Variants in ZNHIT6 observed in about 807,000 individuals in gnomAD.
ZNHIT6 encodes the protein zinc finger HIT-type containing 6, also known as box C/D snoRNA protein 1.
A neutral mutation model predicts 57.2 loss-of-function variants in ZNHIT6; 45 were observed. The observed-to-expected ratio is 0.79, with a 90% CI of 0.62 to 1.01. ZNHIT6 has a LOEUF of 1.01. ZNHIT6 is among the 50% of genes least tolerant of loss of function. The pLI is 0.00. For missense variants in ZNHIT6, 528 were observed against 567.3 expected (o/e 0.93, Z 0.70); for synonymous variants, 188 against 190.0 (o/e 0.99, Z 0.09).
chr1:85,706,248 C>T lies in ZNHIT6; in HGVS notation c.829+1G>A, dbSNP rs574651904. 1 of 1,610,670 alleles carries T rather than the reference C, an allele frequency of 6.2e-7. No individual in the cohort carries two copies. The highest frequency in any genetic ancestry group is 1.1e-5 in the South Asian group (1 of 90,684). ...AATTTGCTATGCATAAAGTGGCTTA[C>T]CACTTAGGAGATTCATTTCAGTAAA... On this transcript the variant is annotated splice_donor_variant, in intron 3 of 9. Transcript: ENST00000370574. LOFTEE classifies it high-confidence loss of function.
intron 8 of ZNHIT6, among the ~76,000 whole-genome samples, chr1:85,673,751 AAGGATGTAACTGTAATGTACTTTCCT>A (rs1661628343): frequency 2.9e-5 from 2 of 68,308 alleles, no homozygotes; most frequent in Non-Finnish European, 7.1e-5. Flanking sequence ...ACTTTCCTTT[AAGGATGTAACTGTAATGTACTTTCCT>A]TTAAGGATGT....
chr1:85,706,577 CA>C (rs1227034492), intron 1 of ZNHIT6, 70 bp from the exon 2 acceptor site: 2 of 1,334,298 alleles, frequency 1.5e-6, no homozygotes, highest in Admixed American at 2.7e-5. Context: ...TTAGAATTCC[CA>C]ATCAATTTAT....
chr1:85,669,449 A>G (rs1005326595), intron 8 of ZNHIT6, among the ~76,000 whole-genome samples: 3 of 152,230 alleles, frequency 2.0e-5, no homozygotes, highest in Non-Finnish European at 4.4e-5. Context: ...AAAATCATCC[A>G]AGAGAAATAG....
chr1:85,683,773 C>T (rs893717056), intron 5 of ZNHIT6, among the ~76,000 whole-genome samples: 1 of 152,108 alleles, frequency 6.6e-6, no homozygotes, highest in Non-Finnish European at 1.5e-5. Flanking sequence ...CCAAGAAGTA[C>T]AATCACTAAG....
At position 85,655,743 on chromosome 1, in the gene ZNHIT6, T is replaced by A. The variant is rs150246353; in HGVS notation, c.1373-1645A>T. On this transcript the variant is annotated intron_variant, in intron 9 of 9. Transcript: ENST00000370574. ...CACTGGACTGATATAAGGTAGGTAATCAGCACTTAGCATCTCCAATCTAGT... is the reference window on the plus strand; with the variant it reads ...CACTGGACTGATATAAGGTAGGTAAACAGCACTTAGCATCTCCAATCTAGT... 1.2e-3 allele frequency among the ~76,000 whole-genome samples: 182 copies of A among 152,302 alleles called. 1 individual carries two copies. The highest frequency in any genetic ancestry group is 0.012 in the East Asian group (60 of 5,182).
At position 85,675,016 on chromosome 1, in the gene ZNHIT6, C is replaced by T. The variant is rs146288819; in HGVS notation, c.1247+2220G>A. ...TGTGTACTGTAAGTCCATGAAGAGC[C>T]GAAGTGGATGGAAATCTCTTTGTCC... On this transcript the variant is annotated intron_variant, in intron 8 of 9. Transcript: ENST00000370574. 2.5e-4 allele frequency among the ~76,000 whole-genome samples: 38 copies of T among 152,170 alleles called. No homozygotes were observed. The East Asian group carries it at 6.6e-3, about 26-fold the overall frequency.
chr1:85,706,785 A>C (rs1662697332), intron 1 of ZNHIT6, among the ~76,000 whole-genome samples: 1 of 152,210 alleles, frequency 6.6e-6, no homozygotes, highest in Non-Finnish European at 1.5e-5. Context: ...GAATGAGATT[A>C]TTCACTGATA....
chr1:85,698,452 G>C (rs1427408191), intron 5 of ZNHIT6, among the ~76,000 whole-genome samples: 1 of 151,938 alleles, frequency 6.6e-6, no homozygotes, highest in East Asian at 1.9e-4. Context: ...CTTCATATAC[G>C]GGCTTTTACA....
intron 8 of ZNHIT6, among the ~76,000 whole-genome samples, chr1:85,677,017 CT>C (rs1475306847): frequency 6.6e-6 from 1 of 152,104 alleles, no homozygotes; most frequent in Non-Finnish European, 1.5e-5. Context: ...TCTATTTCCC[CT>C]ATATCAGTTG....
intron 5 of ZNHIT6, among the ~76,000 whole-genome samples, chr1:85,686,736 A>G (rs965598685): frequency 1.3e-5 from 2 of 152,164 alleles, no homozygotes; most frequent in South Asian, 2.1e-4. Context: ...CACAATTTTC[A>G]TATGAAAGCT....
At position 85,651,220 on chromosome 1, in the gene ZNHIT6, A is replaced by G. The variant is rs973242230; in HGVS notation, c.*2838T>C. 1 of 151,954 alleles carries G rather than the reference A, an allele frequency of 6.6e-6. No homozygotes were observed. Among genetic ancestry groups the G allele is most frequent in the Non-Finnish European group, 1.5e-5 (1 of 68,006 alleles). 9.4% of individuals were successfully genotyped at this position (151,954 alleles called of 1,614,324 possible). The stretch of plus-strand genomic sequence containing the variant: ...TCAACTACATTTTGGAATCTTAAAT[A>G]TCTATTTTTAATAACTTTTTTTTTT... On this transcript the variant is annotated 3_prime_UTR_variant, in exon 10 of 10. Transcript: ENST00000370574.
At chr1:85,680,621 T>G (rs1430907535) in intron 6 of ZNHIT6, among the ~76,000 whole-genome samples, 1 of 152,228 alleles carries the variant, frequency 6.6e-6, no homozygotes, top group African/African-American at 2.4e-5. Flanking sequence ...GTTCTCTACA[T>G]TCTTCCTTAA....
At chr1:85,689,073 A>T (rs907725257) in intron 5 of ZNHIT6, among the ~76,000 whole-genome samples, 1 of 152,246 alleles carries the variant, frequency 6.6e-6, no homozygotes, top group Non-Finnish European at 1.5e-5. Flanking sequence ...GCAATAGAAA[A>T]AGAAGAGACA....
chr1:85,661,640 T>G (rs1420896705), intron 8 of ZNHIT6, among the ~76,000 whole-genome samples: 1 of 152,216 alleles, frequency 6.6e-6, no homozygotes, highest in African/African-American at 2.4e-5. Context: ...AAAGGTACTT[T>G]GAATGTTTCT....
At chr1:85,705,677 G>A (rs1053867535) in intron 4 of ZNHIT6, among the ~76,000 whole-genome samples, 7 of 152,132 alleles carry the variant, frequency 4.6e-5, no homozygotes, top group Non-Finnish European at 1.5e-5. Context: ...GCCTCCAAAT[G>A]TTCACATGAC....
Position 85,657,879 on chromosome 1 carries a change from C to T in ZNHIT6, c.1340G>A (p.Gly447Glu). 1 of 1,607,620 alleles carries T rather than the reference C, an allele frequency of 6.2e-7. No homozygotes were observed. The highest frequency in any genetic ancestry group is 8.5e-7 in the Non-Finnish European group (1 of 1,176,952). ...AAGAACTTTCATGTCATTATTGGATCCTTTCAATACCACATGTAATGTTGG... is the reference window on the plus strand; with the variant it reads ...AAGAACTTTCATGTCATTATTGGATTCTTTCAATACCACATGTAATGTTGG... ...EYPTLHVVLK[G>E]SNNDMKVLHQ... is the part of the protein sequence containing the mutation. The change falls in exon 9 of 10, where the codon GGA becomes GAA. Residue 447 changes from glycine to glutamate, a missense_variant. Physicochemically the swap from Gly to Glu is moderately conservative, Grantham distance 98 (BLOSUM62 -2). Coordinates refer to ENST00000370574, the MANE Select transcript of ZNHIT6 (RefSeq NM_017953.4).
chr1:85,677,579 G>A (rs1161324968), intron 7 of ZNHIT6, among the ~76,000 whole-genome samples: 4 of 152,102 alleles, frequency 2.6e-5, no homozygotes, highest in Non-Finnish European at 5.9e-5. Flanking sequence ...CCTATTCAGT[G>A]ACATTTTGTC....
intron 5 of ZNHIT6, among the ~76,000 whole-genome samples, chr1:85,692,070 G>A (rs1662237068): frequency 6.6e-6 from 1 of 152,170 alleles, no homozygotes; most frequent in Non-Finnish European, 1.5e-5. Context: ...TCAGGAGGCT[G>A]AGGCAGGAGA....
intron 5 of ZNHIT6, among the ~76,000 whole-genome samples, chr1:85,685,816 C>A (rs1662017972): frequency 6.6e-6 from 1 of 152,096 alleles, no homozygotes; most frequent in Non-Finnish European, 1.5e-5. Context: ...ACCTTAGCCT[C>A]CCAAAGTGCT....
Sources: gnomAD v4.1 joint callset for allele counts (sites outside exome capture counted in the v4.1 genomes callset) on GRCh38, gnomAD v4.1.1 for gene constraint, MANE v1.5 for transcripts, NCBI Gene and HGNC (gene_info 2026-07-23, HGNC 2026-07-21) for gene names.